Variants in RBFOX1 observed in about 807,000 individuals in gnomAD.
RBFOX1 encodes RNA binding fox-1 homolog 1, also known as RNA binding protein fox-1 homolog 1.
RBFOX1 carries 8 observed loss-of-function variants against 57.7 expected under a neutral mutation model. The observed-to-expected ratio is 0.14, with a 90% CI of 0.08 to 0.25. The LOEUF is 0.25. Ranked by LOEUF, RBFOX1 falls within the 10% of genes least tolerant of loss-of-function variation. The probability of loss-of-function intolerance (pLI) is 1.00; values close to 1 mark genes in which losing one functional copy is unlikely to be tolerated. For missense variants in RBFOX1, 611 were observed against 548.5 expected (o/e 1.11, Z -1.14); for synonymous variants, 326 against 222.4 (o/e 1.47, Z -4.15).
intron 4 of RBFOX1, among the ~76,000 whole-genome samples, chr16:7,185,899 A>T (rs758525971): frequency 6.6e-6 from 1 of 152,180 alleles, no homozygotes; most frequent in Non-Finnish European, 1.5e-5. Context: ...ATTCTTGAGC[A>T]ATGATACAAT....
chr16:7,022,053 TCCCCC>T (rs2039441485), intron 3 of RBFOX1, among the ~76,000 whole-genome samples: 1 of 87,408 alleles, frequency 1.1e-5, no homozygotes, highest in African/African-American at 4.6e-5. Flanking sequence ...CCCCTCCCCT[TCCCCC>T]TCCCCTTTCC....
rs534054320 is a variant in RBFOX1 at position 7,056,552 on chromosome 16, A to G, written c.27+4454A>G. 1.5e-4 allele frequency among the ~76,000 whole-genome samples: 23 copies of G among 152,308 alleles called. No homozygotes were observed. In the South Asian group the frequency reaches 3.9e-3, roughly 26 times the overall value. On this transcript the variant is annotated intron_variant, in intron 4 of 15. Coordinates refer to ENST00000550418, the MANE Select transcript of RBFOX1 (RefSeq NM_018723.4). ...TTACCTCTCCAGCATCTGCACCAAC[A>G]GATGGACAAATAAACAACTAAGAGA... is the stretch of plus-strand genomic sequence containing the variant.
chr16:6,766,630 A>G (rs1294558284), intron 3 of RBFOX1, among the ~76,000 whole-genome samples: 1 of 151,990 alleles, frequency 6.6e-6, no homozygotes, highest in Non-Finnish European at 1.5e-5. Flanking sequence ...AGCTAGTGCT[A>G]CCAAGGAGCT....
intron 1 of RBFOX1, among the ~76,000 whole-genome samples, chr16:5,252,195 G>A (rs2062469946): frequency 6.6e-6 from 1 of 152,212 alleles, no homozygotes. Flanking sequence ...GACTCTCTAA[G>A]GCATATGGGT....
At chr16:7,558,392 T>A (rs2089370724) in intron 5 of RBFOX1, among the ~76,000 whole-genome samples, 2 of 151,860 alleles carry the variant, frequency 1.3e-5, no homozygotes, top group Non-Finnish European at 2.9e-5. Flanking sequence ...GCGCACACAC[T>A]CACACACATA....
chr16:5,434,595 A>G (rs1404855719), intron 1 of RBFOX1, among the ~76,000 whole-genome samples: 1 of 152,146 alleles, frequency 6.6e-6, no homozygotes, highest in Non-Finnish European at 1.5e-5. Context: ...CTGAGATTAC[A>G]GGCAAGAGCC....
At position 6,773,248 on chromosome 16, in the gene RBFOX1, G is replaced by T. The variant is rs377297714; in HGVS notation, c.-16+118598G>T. 2.4e-3 allele frequency among the ~76,000 whole-genome samples: 354 copies of T among 144,768 alleles called. 3 individuals are homozygous for T. Among genetic ancestry groups the T allele is most frequent in the African/African-American group, 8.1e-3 (313 of 38,736 alleles). 95.0% of individuals were successfully genotyped at this position (144,768 alleles called of 152,430 possible). ...GTGTGGGGTGCATTTGTGTGTGTGTGTGGGCATGGGGTGCATTTGTGTGTG... is the reference window on the plus strand; with the variant it reads ...GTGTGGGGTGCATTTGTGTGTGTGTTTGGGCATGGGGTGCATTTGTGTGTG... On this transcript the variant is annotated intron_variant, in intron 3 of 15. Transcript: ENST00000550418.
rs191089339 is a variant in RBFOX1 at position 7,006,613 on chromosome 16, C to T, written c.-15-45444C>T. 2.9e-4 allele frequency among the ~76,000 whole-genome samples: 44 copies of T among 152,154 alleles called. 1 individual carries two copies. In the Middle Eastern group the frequency reaches 0.017, roughly 59 times the overall value. On this transcript the variant is annotated intron_variant, in intron 3 of 15. Transcript: ENST00000550418. Reference sequence around the variant, plus strand: ...TAGAGTTGGGAACCACCACACCTGGCTTGGTTTCGGGTTTTATAGAGACAA... The same window carrying T: ...TAGAGTTGGGAACCACCACACCTGGTTTGGTTTCGGGTTTTATAGAGACAA...
intron 3 of RBFOX1, among the ~76,000 whole-genome samples, chr16:5,760,999 C>G (rs1008546431): frequency 3.3e-5 from 5 of 152,068 alleles, no homozygotes; most frequent in African/African-American, 1.2e-4. Context: ...TAAACTTCAC[C>G]TCAATGAAAA....
At chr16:5,500,485 G>T (rs2043156366) in intron 2 of RBFOX1, among the ~76,000 whole-genome samples, 1 of 152,116 alleles carries the variant, frequency 6.6e-6, no homozygotes, top group Non-Finnish European at 1.5e-5. Flanking sequence ...ACCTCCCAAA[G>T]TGTTGGGATT....
chr16:6,486,125 T>C (rs1015069678), intron 2 of RBFOX1, among the ~76,000 whole-genome samples: 9 of 122,128 alleles, frequency 7.4e-5, no homozygotes, highest in Non-Finnish European at 1.3e-4. Context: ...ATTGCCTTCC[T>C]ATAAACTATA....
At chr16:5,700,293 G>GT (rs142559564) in intron 3 of RBFOX1, among the ~76,000 whole-genome samples, 82 of 148,428 alleles carry the variant, frequency 5.5e-4, no homozygotes, top group South Asian at 6.4e-4. Context: ...CACTTTGACA[G>GT]TTTTTTTTTT....
At chr16:6,432,318 T>C (rs2094122514) in intron 2 of RBFOX1, among the ~76,000 whole-genome samples, 1 of 152,094 alleles carries the variant, frequency 6.6e-6, no homozygotes, top group Non-Finnish European at 1.5e-5. Context: ...TTAACAAATT[T>C]GCTATTATCG....
chr16:6,700,267 AC>A (rs1185256474), intron 3 of RBFOX1, among the ~76,000 whole-genome samples: 2 of 152,180 alleles, frequency 1.3e-5, no homozygotes, highest in East Asian at 3.9e-4. Flanking sequence ...CAATAGCTGA[AC>A]CCAAGGCTTG....
chr16:7,419,800 A>C (rs2149328504), intron 4 of RBFOX1, among the ~76,000 whole-genome samples: 1 of 152,270 alleles, frequency 6.6e-6, no homozygotes, highest in Non-Finnish European at 1.5e-5. Context: ...ACACTGAAGA[A>C]ATAGTTCTGC....
intron 1 of RBFOX1, among the ~76,000 whole-genome samples, chr16:6,195,764 C>G (rs1018946717): frequency 3.3e-5 from 5 of 151,794 alleles, no homozygotes; most frequent in African/African-American, 1.2e-4. Context: ...GATATGTGCT[C>G]TCTCTGAGGT....
intron 4 of RBFOX1, among the ~76,000 whole-genome samples, chr16:5,914,228 G>A (rs1306256646): frequency 1.3e-5 from 2 of 152,190 alleles, no homozygotes; most frequent in Non-Finnish European, 2.9e-5. Context: ...CTTCTCACAT[G>A]TATTTATTTT....
At chr16:5,829,367 G>T (rs948944533) in intron 3 of RBFOX1, among the ~76,000 whole-genome samples, 2 of 152,238 alleles carry the variant, frequency 1.3e-5, no homozygotes, top group African/African-American at 2.4e-5. Flanking sequence ...ACTGCGAGGA[G>T]AATGGATTGA....
intron 1 of RBFOX1, among the ~76,000 whole-genome samples, chr16:6,312,318 G>A (rs533571816): frequency 2.6e-4 from 39 of 151,426 alleles, no homozygotes; most frequent in Admixed American, 5.9e-4. Context: ...TTACCCTCCC[G>A]CCCCAAAACC....
Sources: gnomAD v4.1 joint callset for allele counts (sites outside exome capture counted in the v4.1 genomes callset) on GRCh38, gnomAD v4.1.1 for gene constraint, MANE v1.5 for transcripts, NCBI Gene and HGNC (gene_info 2026-07-23, HGNC 2026-07-21) for gene names.